The following OSBPL8 variants were observed in gnomAD, a reference collection of about 807,000 sequenced individuals.
OSBPL8 encodes the protein oxysterol binding protein like 8, also known as oxysterol-binding protein-related protein 8.
A neutral mutation model predicts 125.5 loss-of-function variants in OSBPL8; 59 were observed. That is an observed-to-expected ratio of 0.47 (90% CI 0.38 to 0.58). The LOEUF is 0.58. OSBPL8 is among the 20% of genes least tolerant of loss of function. The pLI is 0.00. For missense variants in OSBPL8, 758 were observed against 1,047.8 expected, an observed-to-expected ratio of 0.72 and a Z score of 3.82; for synonymous variants, 330 against 338.9, an observed-to-expected ratio of 0.97 and a Z score of 0.29.
At chr12:76,491,667 C>T (rs924421743) in intron 1 of OSBPL8, among the ~76,000 whole-genome samples, 1 of 152,176 alleles carries the variant, frequency 6.6e-6, no homozygotes, top group African/African-American at 2.4e-5. Context: ...TTTTACTGAT[C>T]TGTTTTTCCA....
At chr12:76,433,373 A>G (rs1489218317) in intron 4 of OSBPL8, among the ~76,000 whole-genome samples, 1 of 152,200 alleles carries the variant, frequency 6.6e-6, no homozygotes, top group African/African-American at 2.4e-5. Context: ...CAAATTCAGT[A>G]AAGTTGCAGG....
intron 1 of OSBPL8, among the ~76,000 whole-genome samples, chr12:76,497,556 TCTCA>T (rs1367991593): frequency 1.3e-5 from 2 of 152,208 alleles, no homozygotes; most frequent in African/African-American, 2.4e-5. Flanking sequence ...TCAGCATGTG[TCTCA>T]CTACTAACTT....
intron 1 of OSBPL8, among the ~76,000 whole-genome samples, chr12:76,497,902 G>A (rs1461938031): frequency 2.0e-5 from 3 of 152,174 alleles, no homozygotes; most frequent in African/African-American, 7.2e-5. Flanking sequence ...ATTAACTAAG[G>A]AACACATGAA....
Position 76,397,674 on chromosome 12 carries a change from T to C in OSBPL8, c.672+20A>G, listed in dbSNP as rs1953871353. 5 of 1,605,866 alleles carry C rather than the reference T, an allele frequency of 3.1e-6. No homozygotes were observed. The highest frequency in any genetic ancestry group is 1.1e-5 in the South Asian group (1 of 90,650). On this transcript the variant is annotated intron_variant, in intron 8 of 23. Coordinates refer to ENST00000261183, the MANE Select transcript of OSBPL8 (RefSeq NM_020841.5). ...GATTATCATCTTTACCTTTCACCTA[T>C]GTAACAAGGGCTTACATACCTTCAC...
chr12:76,446,999 T>TATATTTCAC (rs1407311560), intron 4 of OSBPL8, among the ~76,000 whole-genome samples: 76 of 152,334 alleles, frequency 5.0e-4, no homozygotes, highest in African/African-American at 1.6e-3. Context: ...AGGAACTAAC[T>TATATTTCAC]ATATTTCACA....
chr12:76,356,768 A>G, intron 22 of OSBPL8, 40 bp from the exon 23 acceptor site: 1 of 1,366,036 alleles, frequency 7.3e-7, no homozygotes, highest in East Asian at 2.3e-5. Context: ...CTATAAAAAT[A>G]ATCTACAGTT....
intron 1 of OSBPL8, among the ~76,000 whole-genome samples, chr12:76,552,065 A>G (rs1161866797): frequency 6.6e-6 from 1 of 152,172 alleles, no homozygotes; most frequent in African/African-American, 2.4e-5. Context: ...TGAAGAAAGA[A>G]TACCTATTTT....
At chr12:76,449,563 A>C (rs4264192) in intron 4 of OSBPL8, among the ~76,000 whole-genome samples, 31,519 of 152,180 alleles carry the variant, frequency 0.21, 3,523 homozygotes, top group Non-Finnish European at 0.27. Context: ...TGAATTCTTC[A>C]GTCATGCACT....
intron 1 of OSBPL8, among the ~76,000 whole-genome samples, chr12:76,544,326 C>T (rs1343765731): frequency 6.6e-6 from 1 of 152,114 alleles, no homozygotes; most frequent in African/African-American, 2.4e-5. Context: ...GACTTGCCAC[C>T]TTTTCCAAAT....
rs137923446 is a variant in OSBPL8 at position 76,367,282 on chromosome 12, G to A, written c.2328+1932C>T. Among the ~76,000 whole-genome samples, 171 of 150,444 alleles carry A rather than the reference G, an allele frequency of 1.1e-3. 2 individuals are homozygous for A. The East Asian group carries it at 0.023, about 20-fold the overall frequency. On this transcript the variant is annotated intron_variant, in intron 21 of 23. Coordinates refer to ENST00000261183, the MANE Select transcript of OSBPL8 (RefSeq NM_020841.5). ...TATGAATTGACCCTTTTATCAATAC[G>A]CCATGTTCTTTTTGTCTCTTGTAAC...
At chr12:76,467,214 C>T (rs1225714224) in intron 2 of OSBPL8, among the ~76,000 whole-genome samples, 1 of 152,164 alleles carries the variant, frequency 6.6e-6, no homozygotes, top group Non-Finnish European at 1.5e-5. Flanking sequence ...CCTGCCTCCA[C>T]ACATTGTCCT....
chr12:76,439,929 C>G (rs1415530029), intron 4 of OSBPL8, among the ~76,000 whole-genome samples: 1 of 152,124 alleles, frequency 6.6e-6, no homozygotes, highest in East Asian at 1.9e-4. Flanking sequence ...TTCCTGATCT[C>G]AACCGTGTCT....
In OSBPL8 at chr12:76,372,107, C is replaced by G. The variant is rs572862335; in HGVS notation, c.1918-523G>C. ...GTAGGCTGGAGTGCAGCGGTGCTAT[C>G]TACCTTATCTATCTAATCTATTTTA... On this transcript the variant is annotated intron_variant, in intron 18 of 23. Transcript: ENST00000261183. Among the ~76,000 whole-genome samples the G allele has an allele frequency of 2.0e-5, 3 of 152,242 alleles. No individual in the cohort carries two copies. The South Asian group carries it at 6.2e-4, about 32-fold the overall frequency.
At chr12:76,457,558 G>A (rs1313453661) in intron 3 of OSBPL8, among the ~76,000 whole-genome samples, 1 of 151,956 alleles carries the variant, frequency 6.6e-6, no homozygotes, top group Non-Finnish European at 1.5e-5. Flanking sequence ...ACATAGAAGT[G>A]GACTCGTGTA....
intron 2 of OSBPL8, among the ~76,000 whole-genome samples, chr12:76,484,257 A>G (rs1877884958): frequency 6.6e-6 from 1 of 152,096 alleles, no homozygotes; most frequent in South Asian, 2.1e-4. Context: ...GCCTCTTGCT[A>G]TTCTCTCACC....
intron 1 of OSBPL8, among the ~76,000 whole-genome samples, chr12:76,536,095 G>T (rs1002663007): frequency 6.6e-5 from 10 of 151,758 alleles, no homozygotes; most frequent in Non-Finnish European, 1.0e-4. Context: ...ATATTGGGGG[G>T]GTGTGAGGTG....
At chr12:76,400,086 GT>G in intron 6 of OSBPL8, 112 bp from the exon 7 acceptor site, 1 of 737,428 alleles carries the variant, frequency 1.4e-6, no homozygotes, top group Non-Finnish European at 2.1e-6. Context: ...GTGTCATGGG[GT>G]TTTGTTGTAC....
At chr12:76,416,493 C>T (rs1868686857) in intron 4 of OSBPL8, among the ~76,000 whole-genome samples, 1 of 151,962 alleles carries the variant, frequency 6.6e-6, no homozygotes, top group African/African-American at 2.4e-5. Context: ...CCCTCAATTA[C>T]AAAGAGAAGA....
chr12:76,455,904 C>A (rs567808259), intron 3 of OSBPL8, among the ~76,000 whole-genome samples: 1 of 152,156 alleles, frequency 6.6e-6, no homozygotes, highest in African/African-American at 2.4e-5. Flanking sequence ...GCAGTTTCAC[C>A]GTCTCACCTA....
Sources: allele counts gnomAD v4.1 joint callset (sites outside exome capture counted in the v4.1 genomes callset), GRCh38; gene constraint gnomAD v4.1.1; transcripts MANE v1.5; gene names NCBI Gene and HGNC (gene_info 2026-07-23, HGNC 2026-07-21).